IFT57: variants seen among roughly 807,000 people sequenced by gnomAD.
IFT57 encodes the protein intraflagellar transport 57.
A neutral mutation model predicts 56.8 loss-of-function variants in IFT57; 59 were observed. The observed-to-expected ratio is 1.04, with a 90% CI of 0.84 to 1.29. The LOEUF is 1.29. Among genes scored for constraint, IFT57 ranks in the 50% most tolerant of loss-of-function variants. The pLI is 0.00. For missense variants in IFT57, 470 were observed against 522.1 expected, an observed-to-expected ratio of 0.90 and a Z score of 0.97; for synonymous variants, 209 against 186.1, an observed-to-expected ratio of 1.12 and a Z score of -1.00.
rs539873491 is a variant in IFT57 at position 108,195,547 on chromosome 3, T to C, written c.655-3904A>G. Among the ~76,000 whole-genome samples the C allele has an allele frequency of 2.6e-4, 39 of 152,210 alleles. 1 individual carries two copies. The South Asian group carries it at 7.3e-3, about 28-fold the overall frequency. On this transcript the variant is annotated intron_variant, in intron 5 of 10. Coordinates refer to ENST00000264538, the MANE Select transcript of IFT57 (RefSeq NM_018010.4). Reference sequence around the variant, plus strand: ...ATGTTTACTGCAGCACTATCCACAATAGCCGAGATAGGGAATCAACCTAAG... The same window carrying C: ...ATGTTTACTGCAGCACTATCCACAACAGCCGAGATAGGGAATCAACCTAAG...
intron 6 of IFT57, among the ~76,000 whole-genome samples, chr3:108,177,044 T>C (rs9826950): frequency 0.096 from 14,630 of 151,772 alleles, 770 homozygotes; most frequent in Middle Eastern, 0.12. Flanking sequence ...ACCACTATAT[T>C]ATAACATCAT....
intron 5 of IFT57, among the ~76,000 whole-genome samples, chr3:108,203,142 T>G (rs551666079): frequency 6.6e-6 from 1 of 152,334 alleles, no homozygotes; most frequent in East Asian, 1.9e-4. Context: ...AGTATGCCCT[T>G]CCCAGGGCAA....
intron 3 of IFT57, among the ~76,000 whole-genome samples, chr3:108,217,411 C>T (rs1184106916): frequency 2.6e-5 from 4 of 152,004 alleles, no homozygotes; most frequent in Non-Finnish European, 5.9e-5. Flanking sequence ...TACAGCAGCA[C>T]ATCTCATAAC....
intron 4 of IFT57, among the ~76,000 whole-genome samples, chr3:108,208,608 G>C (rs1343302270): frequency 1.3e-5 from 2 of 152,158 alleles, no homozygotes; most frequent in Admixed American, 6.5e-5. Flanking sequence ...ATTACCCCTA[G>C]TAGCCCACTA....
At chr3:108,180,687 T>C (rs980618135) in intron 6 of IFT57, among the ~76,000 whole-genome samples, 2 of 152,014 alleles carry the variant, frequency 1.3e-5, no homozygotes, top group African/African-American at 4.8e-5. Flanking sequence ...TTTGTTAGAA[T>C]ATTAAGAAAT....
In IFT57 at chr3:108,162,648, C is replaced by G; in HGVS notation, c.1119G>C (p.Leu373Phe). 6.3e-7 allele frequency: 1 copy of G among 1,594,840 alleles called. No homozygotes were observed. Among genetic ancestry groups the G allele is most frequent in the Non-Finnish European group, 8.5e-7 (1 of 1,169,714 alleles). ...TTGTTAAGCTCTGTTTAATCTTCAC[C>G]AAAGGAGCTGCAGAATGAAAATAAC... ...KGSSMTDGAP[L>F]VKIKQSLTKL... is the part of the protein sequence containing the mutation. The change falls in exon 11 of 11, where the codon TTG becomes TTC. Residue 373 changes from leucine (L) to phenylalanine (F), a missense_variant. Physicochemically the swap from Leu to Phe is conservative, Grantham distance 22 (BLOSUM62 0). Coordinates refer to ENST00000264538, the MANE Select transcript of IFT57 (RefSeq NM_018010.4).
At chr3:108,211,679 G>A (rs1207792371) in intron 4 of IFT57, among the ~76,000 whole-genome samples, 1 of 152,136 alleles carries the variant, frequency 6.6e-6, no homozygotes, top group East Asian at 1.9e-4. Flanking sequence ...CTTTTAAACT[G>A]ATAAGTTTTA....
intron 5 of IFT57, among the ~76,000 whole-genome samples, chr3:108,204,117 T>C (rs1420674196): frequency 1.3e-5 from 2 of 152,114 alleles, no homozygotes; most frequent in Non-Finnish European, 2.9e-5. Flanking sequence ...GCCCAAACCA[T>C]CATAAGCTGT....
At chr3:108,179,544 C>T (rs769693207) in intron 6 of IFT57, among the ~76,000 whole-genome samples, 5 of 152,006 alleles carry the variant, frequency 3.3e-5, no homozygotes, top group Non-Finnish European at 7.4e-5. Flanking sequence ...CTTTTTGCCA[C>T]TTGGCACAAG....
intron 6 of IFT57, among the ~76,000 whole-genome samples, chr3:108,185,126 C>A (rs1418619852): frequency 6.6e-6 from 1 of 152,136 alleles, no homozygotes; most frequent in African/African-American, 2.4e-5. Flanking sequence ...GGCACAAAAA[C>A]CTTTCGCTTT....
At position 108,191,659 on chromosome 3, in the gene IFT57, T is replaced by C. The variant is rs143872284; in HGVS notation, c.655-16A>G. 6.3e-7 allele frequency: 1 copy of C among 1,590,260 alleles called. No homozygotes were observed. The highest frequency in any genetic ancestry group is 8.6e-7 in the Non-Finnish European group (1 of 1,167,372). On this transcript the variant is annotated splice_polypyrimidine_tract_variant and intron_variant, in intron 5 of 10. Transcript: ENST00000264538. ...CGTTCATATCCTAAGAAAGGAAAGA[T>C]ATCACAAGATTGAGAGTTTATAAAA...
intron 6 of IFT57, among the ~76,000 whole-genome samples, chr3:108,172,604 A>G (rs17232997): frequency 0.096 from 14,637 of 151,828 alleles, 771 homozygotes; most frequent in Middle Eastern, 0.12. Context: ...AATTAGAGCA[A>G]TGCTTGTGAG....
intron 4 of IFT57, among the ~76,000 whole-genome samples, chr3:108,206,910 T>C (rs1380161514): frequency 6.6e-6 from 1 of 152,018 alleles, no homozygotes; most frequent in Non-Finnish European, 1.5e-5. Flanking sequence ...TACTACTACT[T>C]AAATAGAACC....
intron 5 of IFT57, among the ~76,000 whole-genome samples, chr3:108,206,017 TAA>T: frequency 9.8e-6 from 1 of 102,322 alleles, no homozygotes; most frequent in Non-Finnish European, 2.0e-5. Context: ...TACTTATATA[TAA>T]TATATTGTAT....
chr3:108,175,021 G>A (rs966666507), intron 6 of IFT57, among the ~76,000 whole-genome samples: 1 of 151,802 alleles, frequency 6.6e-6, no homozygotes, highest in African/African-American at 2.4e-5. Context: ...AAAGTTTTAT[G>A]TCTGAAAAAT....
chr3:108,186,581 A>G (rs147333471), intron 6 of IFT57, among the ~76,000 whole-genome samples: 2 of 152,330 alleles, frequency 1.3e-5, no homozygotes, highest in East Asian at 1.9e-4. Context: ...GGACCCTTCA[A>G]TGAAAAATTA....
At chr3:108,197,245 G>A (rs2080249051) in intron 5 of IFT57, among the ~76,000 whole-genome samples, 1 of 152,072 alleles carries the variant, frequency 6.6e-6, no homozygotes, top group Non-Finnish European at 1.5e-5. Flanking sequence ...AACATTCAAG[G>A]TAAGAATTCA....
chr3:108,209,193 T>C (rs62267887), intron 4 of IFT57, among the ~76,000 whole-genome samples: 14,768 of 152,278 alleles, frequency 0.097, 779 homozygotes, highest in Middle Eastern at 0.12. Flanking sequence ...TATTTTTGTT[T>C]TCTTTACTCT....
chr3:108,203,110 C>T (rs531464693), intron 5 of IFT57, among the ~76,000 whole-genome samples: 23 of 152,318 alleles, frequency 1.5e-4, no homozygotes, highest in African/African-American at 4.1e-4. Flanking sequence ...TGTCAGCTTC[C>T]GCAGAGAGCC....
Sources: allele counts gnomAD v4.1 joint callset (sites outside exome capture counted in the v4.1 genomes callset), GRCh38; gene constraint gnomAD v4.1.1; transcripts MANE v1.5; gene names NCBI Gene and HGNC (gene_info 2026-07-23, HGNC 2026-07-21).